ANOS1: variants seen among roughly 807,000 people sequenced by gnomAD.
The protein encoded by ANOS1 is anosmin-1.
ANOS1 carries 6 observed loss-of-function variants against 59.0 expected under a neutral mutation model. That is an observed-to-expected ratio of 0.10 (90% CI 0.06 to 0.20). ANOS1 has a LOEUF of 0.20. Ranked by LOEUF, ANOS1 falls within the 10% of genes least tolerant of loss-of-function variation. The pLI is 1.00. For missense variants in ANOS1, 433 were observed against 542.3 expected (o/e 0.80, Z 2.00); for synonymous variants, 217 against 223.4 (o/e 0.97, Z 0.25).
chrX:8,600,554 A>G (rs1420243108), intron 3 of ANOS1, among the ~76,000 whole-genome samples: 1 of 112,184 alleles, frequency 8.9e-6, no homozygotes, highest in African/African-American at 3.2e-5. Context: ...CATGGTGTCA[A>G]TATTGAATTA....
At chrX:8,593,749 T>C (rs1325055659) in intron 4 of ANOS1, among the ~76,000 whole-genome samples, 1 of 111,499 alleles carries the variant, frequency 9.0e-6, no homozygotes, top group Admixed American at 9.6e-5. Flanking sequence ...TCATGGCTCA[T>C]TGTAACCTCG....
At chrX:8,569,385 G>T (rs1444018405) in intron 7 of ANOS1, among the ~76,000 whole-genome samples, 1 of 112,679 alleles carries the variant, frequency 8.9e-6, no homozygotes, top group South Asian at 3.6e-4. Flanking sequence ...GCTCACGCCT[G>T]TAATCCCAGC....
chrX:8,651,147 C>T (rs1007508366), intron 2 of ANOS1, among the ~76,000 whole-genome samples: 5 of 112,206 alleles, frequency 4.5e-5, no homozygotes, highest in South Asian at 3.7e-4. Flanking sequence ...CCGCTGAGGG[C>T]GGCCAAGCCA....
intron 1 of ANOS1, among the ~76,000 whole-genome samples, chrX:8,718,581 C>T (rs1039671241): frequency 8.9e-6 from 1 of 112,354 alleles, no homozygotes; most frequent in African/African-American, 3.2e-5. Flanking sequence ...TCTGCATGAA[C>T]TTGGCATTCA....
intron 8 of ANOS1, among the ~76,000 whole-genome samples, chrX:8,555,963 G>A (rs968829322): frequency 1.4e-4 from 16 of 112,354 alleles, no homozygotes; most frequent in African/African-American, 2.9e-4. Context: ...CTGGCAAACC[G>A]AATCCAGCAG....
intron 9 of ANOS1, among the ~76,000 whole-genome samples, chrX:8,546,598 C>T (rs1929775221): frequency 8.9e-6 from 1 of 111,798 alleles, no homozygotes; most frequent in Admixed American, 9.5e-5. Flanking sequence ...GACCATAGCT[C>T]CAGTCAAATC....
intron 4 of ANOS1, among the ~76,000 whole-genome samples, chrX:8,596,113 T>C (rs1930731002): frequency 9.0e-6 from 1 of 110,813 alleles, no homozygotes. Flanking sequence ...TGACGGTGAG[T>C]TGTATAATTA....
intron 2 of ANOS1, among the ~76,000 whole-genome samples, chrX:8,641,743 G>T (rs974276188): frequency 2.0e-4 from 23 of 112,207 alleles, no homozygotes; most frequent in Admixed American, 3.8e-4. Flanking sequence ...ATTTAAAATT[G>T]TGTGGTGTTT....
intron 3 of ANOS1, among the ~76,000 whole-genome samples, chrX:8,619,421 T>C (rs759061850): frequency 1.4e-3 from 151 of 110,727 alleles, no homozygotes; most frequent in South Asian, 4.6e-3. Flanking sequence ...CTGGCCAACA[T>C]GGTGAAACCC....
chrX:8,667,695 G>T (rs1932171640), intron 2 of ANOS1, among the ~76,000 whole-genome samples: 1 of 111,340 alleles, frequency 9.0e-6, no homozygotes, highest in Non-Finnish European at 1.9e-5. Context: ...TCAGCCGTAT[G>T]GGGGTTGCTT....
intron 6 of ANOS1, among the ~76,000 whole-genome samples, chrX:8,582,259 A>G (rs920401367): frequency 1.8e-5 from 2 of 112,641 alleles, no homozygotes; most frequent in African/African-American, 6.4e-5. Flanking sequence ...GCTTACACAT[A>G]TAAGTAGCAT....
chrX:8,541,410 C>A (rs370256037), intron 9 of ANOS1, among the ~76,000 whole-genome samples: 4,934 of 38,657 alleles, frequency 0.13, 305 homozygotes, highest in African/African-American at 0.28. Context: ...TCTCCCACCA[C>A]CCCCCCCCCA....
chrX:8,670,978 C>T (rs180728245), intron 2 of ANOS1, among the ~76,000 whole-genome samples: 1 of 111,315 alleles, frequency 9.0e-6, no homozygotes, highest in East Asian at 2.8e-4. Context: ...CCGCCTCACC[C>T]TGCCTTCACT....
intron 2 of ANOS1, among the ~76,000 whole-genome samples, chrX:8,694,157 A>G (rs1310534941): frequency 2.7e-5 from 3 of 112,218 alleles, no homozygotes; most frequent in Non-Finnish European, 1.9e-5. Context: ...CCTAGGGCAT[A>G]GTAGATGCTC....
intron 3 of ANOS1, among the ~76,000 whole-genome samples, chrX:8,620,066 G>C (rs1601984678): frequency 8.9e-6 from 1 of 112,077 alleles, no homozygotes; most frequent in Non-Finnish European, 1.9e-5. Context: ...CCAAAGTGCT[G>C]ATATTACAGG....
At chrX:8,666,873 C>G (rs1932148419) in intron 2 of ANOS1, among the ~76,000 whole-genome samples, 1 of 111,340 alleles carries the variant, frequency 9.0e-6, no homozygotes, top group Non-Finnish European at 1.9e-5. Flanking sequence ...ACCTTGTATG[C>G]CCCAGGATGA....
At chrX:8,664,267 T>A (rs1233968470) in intron 2 of ANOS1, among the ~76,000 whole-genome samples, 1 of 111,910 alleles carries the variant, frequency 8.9e-6, no homozygotes, top group Non-Finnish European at 1.9e-5. Context: ...CTTGGCTCAC[T>A]GCAAGCTCTG....
intron 2 of ANOS1, among the ~76,000 whole-genome samples, chrX:8,631,578 T>C (rs1931489007): frequency 8.9e-6 from 1 of 112,042 alleles, no homozygotes; most frequent in African/African-American, 3.2e-5. Flanking sequence ...GTTCTCTCTT[T>C]ACGTGTTTGT....
Position 8,717,797 on chromosome X carries a change from G to A in ANOS1, c.207+14033C>T, listed in dbSNP as rs1165315071. ...AAGCCCAGATGGGAGGATCTCTTGT[G>A]GCCAGAAGTTCAAGACCAGCCTGGG... On this transcript the variant is annotated intron_variant, in intron 1 of 13. Transcript: ENST00000262648. 2.7e-5 allele frequency among the ~76,000 whole-genome samples: 3 copies of A among 112,184 alleles called. No individual in the cohort carries two copies. The Admixed American group carries it at 2.8e-4, about 11-fold the overall frequency.
Sources: gnomAD v4.1 joint callset for allele counts (sites outside exome capture counted in the v4.1 genomes callset) on GRCh38, gnomAD v4.1.1 for gene constraint, MANE v1.5 for transcripts, NCBI Gene and HGNC (gene_info 2026-07-23, HGNC 2026-07-21) for gene names.